The following RNF212B variants were observed in gnomAD, a reference collection of about 807,000 sequenced individuals.
RNF212B encodes the protein ring finger protein 212B.
RNF212B carries 52 observed loss-of-function variants against 55.5 expected under a neutral mutation model. The observed-to-expected ratio is 0.94, with a 90% CI of 0.75 to 1.18. The LOEUF is 1.18. Ranked by LOEUF, RNF212B falls within the 50% of genes most tolerant of loss-of-function variation. The pLI is 0.00. For missense variants in RNF212B, 289 were observed against 350.4 expected (o/e 0.82, Z 1.40); for synonymous variants, 99 against 121.4 (o/e 0.82, Z 1.21).
intron 14 of RNF212B, chr14:23,272,596 A>G (rs1886187780): frequency 1.8e-6 from 1 of 542,790 alleles, no homozygotes; most frequent in South Asian, 2.1e-5. Context: ...TCAAATATTC[A>G]TCCTTATTAT....
chr14:23,245,963 T>A (rs1489318847), intron 4 of RNF212B, among the ~76,000 whole-genome samples: 1 of 152,182 alleles, frequency 6.6e-6, no homozygotes, highest in Non-Finnish European at 1.5e-5. Context: ...AATATCTATT[T>A]ATGTTTTTAT....
chr14:23,243,694 C>CAAAA (rs761227119), intron 3 of RNF212B, among the ~76,000 whole-genome samples: 3 of 32,516 alleles, frequency 9.2e-5, no homozygotes, highest in Non-Finnish European at 1.2e-4. Flanking sequence ...GACTCTGTCT[C>CAAAA]AAAAAAAAAA....
intron 2 of RNF212B, among the ~76,000 whole-genome samples, chr14:23,196,250 C>T (rs1192438150): frequency 6.6e-6 from 1 of 152,104 alleles, no homozygotes; most frequent in Admixed American, 6.6e-5. Context: ...CCTCTGAGTG[C>T]CCACTGTCTC....
chr14:23,211,309 A>G (rs1413022782), intron 2 of RNF212B, among the ~76,000 whole-genome samples: 1 of 152,218 alleles, frequency 6.6e-6, no homozygotes, highest in Non-Finnish European at 1.5e-5. Flanking sequence ...AAACACAGGC[A>G]AGATGAATAG....
At chr14:23,263,091 GTT>G (rs34260336) in intron 9 of RNF212B, 121 bp downstream of exon 9, 11 of 701,068 alleles carry the variant, frequency 1.6e-5, no homozygotes, top group East Asian at 6.2e-5. Flanking sequence ...TAAAGCTAGG[GTT>G]TTTTTTTTTC....
At chr14:23,232,627 C>T (rs867152857) in intron 2 of RNF212B, among the ~76,000 whole-genome samples, 131 of 151,638 alleles carry the variant, frequency 8.6e-4, no homozygotes, top group Middle Eastern at 3.4e-3. Context: ...CCAGCCTCCC[C>T]GTCCGGGAGG....
At chr14:23,225,828 CTA>C (rs1448031837) in intron 2 of RNF212B, among the ~76,000 whole-genome samples, 1 of 151,818 alleles carries the variant, frequency 6.6e-6, no homozygotes, top group African/African-American at 2.4e-5. Context: ...TAAAAAATAA[CTA>C]AAAGTATAAT....
chr14:23,189,321 A>G (rs919858641), intron 1 of RNF212B, among the ~76,000 whole-genome samples: 4 of 152,090 alleles, frequency 2.6e-5, no homozygotes, highest in African/African-American at 9.7e-5. Context: ...CTTCCCTCCC[A>G]TTGAAATGAA....
intron 2 of RNF212B, among the ~76,000 whole-genome samples, chr14:23,215,418 A>G (rs1286429929): frequency 1.3e-5 from 2 of 152,170 alleles, no homozygotes; most frequent in Admixed American, 6.5e-5. Context: ...GAAACCATCA[A>G]TTCTTAAACC....
At chr14:23,189,839 T>C (rs1451404181) in intron 1 of RNF212B, among the ~76,000 whole-genome samples, 4 of 152,058 alleles carry the variant, frequency 2.6e-5, no homozygotes, top group Non-Finnish European at 4.4e-5. Context: ...AGAACTTCCC[T>C]TGATGCTCTA....
At chr14:23,268,808 C>G (rs1189519450) in intron 11 of RNF212B, 116 bp from the exon 12 acceptor site, 1 of 815,506 alleles carries the variant, frequency 1.2e-6, no homozygotes. Flanking sequence ...GCCCCCAACC[C>G]TAACCCATAT....
At chr14:23,216,991 G>A (rs184816493) in intron 2 of RNF212B, among the ~76,000 whole-genome samples, 1 of 150,880 alleles carries the variant, frequency 6.6e-6, no homozygotes, top group African/African-American at 2.4e-5. Flanking sequence ...GCAGATTAGT[G>A]ACTGACAGAT....
chr14:23,264,148 T>G (rs1885507806), intron 9 of RNF212B, 26 bp from the exon 10 acceptor site: 1 of 1,518,188 alleles, frequency 6.6e-7, no homozygotes, highest in African/African-American at 1.4e-5. Flanking sequence ...TTTGCCTTTT[T>G]TTTCTTTTTG....
intron 4 of RNF212B, among the ~76,000 whole-genome samples, chr14:23,252,890 C>T (rs533996321): frequency 4.6e-5 from 7 of 152,178 alleles, no homozygotes; most frequent in South Asian, 4.1e-4. Flanking sequence ...ATGTGACTTT[C>T]GCAGCTAAAA....
chr14:23,193,049 G>A (rs1295664147), intron 1 of RNF212B, among the ~76,000 whole-genome samples: 5 of 141,752 alleles, frequency 3.5e-5, no homozygotes, highest in African/African-American at 7.9e-5. Flanking sequence ...ACGAGATCAC[G>A]CCATTGCACT....
chr14:23,195,560 A>C (rs1280880098), intron 2 of RNF212B, among the ~76,000 whole-genome samples: 1 of 152,046 alleles, frequency 6.6e-6, no homozygotes, highest in African/African-American at 2.4e-5. Flanking sequence ...ATTTAGTGCT[A>C]ATTCTCCCCT....
intron 2 of RNF212B, among the ~76,000 whole-genome samples, chr14:23,229,259 T>C (rs868349157): frequency 5.6e-4 from 69 of 122,472 alleles, no homozygotes; most frequent in African/African-American, 1.6e-3. Context: ...TATATATATA[T>C]ATACCACATT....
intron 2 of RNF212B, among the ~76,000 whole-genome samples, chr14:23,199,542 A>G (rs1367349276): frequency 6.6e-6 from 1 of 152,120 alleles, no homozygotes; most frequent in Non-Finnish European, 1.5e-5. Context: ...TTTCTTTTCA[A>G]AAATCTTTTG....
chr14:23,200,697 T>C (rs1177813721), intron 2 of RNF212B, among the ~76,000 whole-genome samples: 1 of 152,178 alleles, frequency 6.6e-6, no homozygotes, highest in African/African-American at 2.4e-5. Context: ...TGATATTCTT[T>C]ACTTACCACA....
Sources: gnomAD v4.1 joint callset for allele counts (sites outside exome capture counted in the v4.1 genomes callset) on GRCh38, gnomAD v4.1.1 for gene constraint, MANE v1.5 for transcripts, NCBI Gene and HGNC (gene_info 2026-07-23, HGNC 2026-07-21) for gene names.